Variants in MOXD1 observed in about 807,000 individuals in gnomAD.
MOXD1 encodes the protein DBH-like monooxygenase protein 1.
A neutral mutation model predicts 66.6 loss-of-function variants in MOXD1; 62 were observed. The ratio of observed to expected loss-of-function variants is 0.93; its 90% CI spans 0.76 to 1.15. MOXD1 has a LOEUF of 1.15. Ranked by LOEUF, MOXD1 falls within the 50% of genes most tolerant of loss-of-function variation. The probability of loss-of-function intolerance (pLI) is 0.00; values close to 1 mark genes in which losing one functional copy is unlikely to be tolerated. For missense variants in MOXD1, 847 were observed against 754.6 expected (o/e 1.12, Z -1.44); for synonymous variants, 303 against 281.9 (o/e 1.07, Z -0.75).
At chr6:132,384,948 G>T (rs1297136361) in intron 1 of MOXD1, among the ~76,000 whole-genome samples, 1 of 152,224 alleles carries the variant, frequency 6.6e-6, no homozygotes, top group Non-Finnish European at 1.5e-5. Flanking sequence ...AGGAATGGTA[G>T]TTGGAAGACA....
At chr6:132,322,286 C>A (rs1179072094) in intron 8 of MOXD1, among the ~76,000 whole-genome samples, 1 of 152,152 alleles carries the variant, frequency 6.6e-6, no homozygotes, top group African/African-American at 2.4e-5. Flanking sequence ...TAAAATGAAA[C>A]TTCTAAAAAT....
rs1775239017 is a variant in MOXD1 at position 132,328,491 on chromosome 6, T to G, written c.767A>C (p.Glu256Ala). 6.2e-7 allele frequency: 1 copy of G among 1,614,150 alleles called. No homozygotes were observed. The highest frequency in any genetic ancestry group is 8.5e-7 in the Non-Finnish European group (1 of 1,180,012). Residue 256 changes from glutamate (E) to alanine (A), a missense_variant, in exon 5 of 12, where the codon GAG (glutamate) becomes GCG (alanine). Coordinates refer to ENST00000367963, the MANE Select transcript of MOXD1 (RefSeq NM_015529.4). The part of the protein sequence containing the change: ...FNDSVLESGH[E>A]CYHPNMPDAF... Reference sequence around the variant, plus strand: ...ATCGGGCATGTTGGGGTGATAGCACTCGTGGCCGGACTCCAGAACGCTGTC... The same window carrying G: ...ATCGGGCATGTTGGGGTGATAGCACGCGTGGCCGGACTCCAGAACGCTGTC...
intron 4 of MOXD1, among the ~76,000 whole-genome samples, chr6:132,358,897 T>C (rs1775957919): frequency 6.6e-6 from 1 of 152,182 alleles, no homozygotes; most frequent in South Asian, 2.1e-4. Context: ...TTTAGGCCCA[T>C]GCTTCAGTAA....
At chr6:132,371,248 G>T (rs1291310094) in intron 4 of MOXD1, among the ~76,000 whole-genome samples, 1 of 152,014 alleles carries the variant, frequency 6.6e-6, no homozygotes, top group African/African-American at 2.4e-5. Flanking sequence ...GGAAGGACTT[G>T]GGCATGGTAT....
At chr6:132,340,104 CA>C (rs1775520278) in intron 4 of MOXD1, among the ~76,000 whole-genome samples, 1 of 152,030 alleles carries the variant, frequency 6.6e-6, no homozygotes, top group Non-Finnish European at 1.5e-5. Context: ...TGGCTGGTCT[CA>C]AACTCCTGAC....
intron 4 of MOXD1, among the ~76,000 whole-genome samples, chr6:132,339,644 T>G (rs1354229594): frequency 1.3e-5 from 2 of 152,228 alleles, no homozygotes; most frequent in Non-Finnish European, 2.9e-5. Flanking sequence ...CTAAGCCCAC[T>G]TATGTAATCC....
intron 1 of MOXD1, among the ~76,000 whole-genome samples, chr6:132,375,966 G>A (rs1413141231): frequency 2.0e-5 from 3 of 152,044 alleles, no homozygotes; most frequent in African/African-American, 7.3e-5. Flanking sequence ...CATGGTTAGC[G>A]CCCATTCGAT....
At chr6:132,366,096 C>A (rs544668475) in intron 4 of MOXD1, among the ~76,000 whole-genome samples, 53 of 152,172 alleles carry the variant, frequency 3.5e-4, no homozygotes, top group African/African-American at 1.3e-3. Flanking sequence ...CCCAGAGGTG[C>A]AGGGGTAATC....
chr6:132,382,321 G>T (rs1776528693), intron 1 of MOXD1, among the ~76,000 whole-genome samples: 1 of 152,010 alleles, frequency 6.6e-6, no homozygotes, highest in African/African-American at 2.4e-5. Flanking sequence ...TATAAAAGCT[G>T]ATATACAGAA....
chr6:132,392,348 A>G (rs1776784014), intron 1 of MOXD1: 2 of 1,550,990 alleles, frequency 1.3e-6, no homozygotes, highest in African/African-American at 1.4e-5. Flanking sequence ...CCAGCGATTT[A>G]TACCCCCATA....
chr6:132,304,420 T>C lies in MOXD1; in HGVS notation c.1509-6465A>G, dbSNP rs1012489135. On this transcript the variant is annotated intron_variant, in intron 10 of 11. Coordinates refer to ENST00000367963, the MANE Select transcript of MOXD1 (RefSeq NM_015529.4). ...CCCCAAGCCAACTAAGAGACTCCCCTGGAAACAGAGAGTCCTTCAATGCTT... is the reference window on the plus strand; with the variant it reads ...CCCCAAGCCAACTAAGAGACTCCCCCGGAAACAGAGAGTCCTTCAATGCTT... 2.0e-5 allele frequency among the ~76,000 whole-genome samples: 3 copies of C among 152,156 alleles called. No individual in the cohort carries two copies. The East Asian group carries it at 5.8e-4, about 29-fold the overall frequency.
At chr6:132,326,498 T>G (rs1248816516) in intron 6 of MOXD1, among the ~76,000 whole-genome samples, 1 of 151,986 alleles carries the variant, frequency 6.6e-6, no homozygotes, top group African/African-American at 2.4e-5. Flanking sequence ...TATAGAATAT[T>G]TATTCTATTA....
intron 6 of MOXD1, among the ~76,000 whole-genome samples, chr6:132,324,308 GCCAT>G (rs1775142789): frequency 6.6e-6 from 1 of 152,080 alleles, no homozygotes; most frequent in Non-Finnish European, 1.5e-5. Context: ...AAGATGAGTA[GCCAT>G]ATTGCCTGCA....
Position 132,297,282 on chromosome 6 carries a change from T to G in MOXD1, c.1713A>C (p.Glu571Asp). Reference protein sequence around the residue: ...QGMTALPPDIERPYKAEPLVC... With the variant: ...QGMTALPPDIDRPYKAEPLVC... ...CCAAAGGTTCTGCTTTATAGGGTCT[T>G]TCTATATCTGGAGGTAATGCTGTCA... Residue 571 changes from glutamate (E) to aspartate (D), a missense_variant, in exon 12 of 12, where the codon GAA becomes GAC. Transcript: ENST00000367963. The G allele has an allele frequency of 1.9e-6, 3 of 1,613,324 alleles. No individual in the cohort carries two copies. The highest frequency in any genetic ancestry group is 2.5e-6 in the Non-Finnish European group (3 of 1,179,538).
chr6:132,394,463 T>A (rs1302690937), intron 1 of MOXD1, among the ~76,000 whole-genome samples: 1 of 151,900 alleles, frequency 6.6e-6, no homozygotes, highest in African/African-American at 2.4e-5. Context: ...CAGATTCTCA[T>A]CAAAAAGAAA....
At chr6:132,394,484 AC>A (rs1348671191) in intron 1 of MOXD1, among the ~76,000 whole-genome samples, 13 of 152,130 alleles carry the variant, frequency 8.5e-5, no homozygotes, top group Admixed American at 7.9e-4. Flanking sequence ...TTTAAGAAAT[AC>A]CCCCCAAAAA....
chr6:132,334,878 T>A (rs1051837306), intron 4 of MOXD1, among the ~76,000 whole-genome samples: 1 of 152,234 alleles, frequency 6.6e-6, no homozygotes, highest in African/African-American at 2.4e-5. Flanking sequence ...TCAAAGAATC[T>A]ACACTTGGTG....
chr6:132,303,954 T>C (rs1774630872), intron 10 of MOXD1, among the ~76,000 whole-genome samples: 1 of 148,518 alleles, frequency 6.7e-6, no homozygotes, highest in South Asian at 2.2e-4. Flanking sequence ...TTTTTGCTTG[T>C]AGTTCTCAAG....
chr6:132,324,193 T>C, intron 6 of MOXD1, 96 bp from the exon 7 acceptor site: 2 of 1,266,890 alleles, frequency 1.6e-6, no homozygotes, highest in Non-Finnish European at 2.2e-6. Flanking sequence ...AGTTTTCATA[T>C]TCTGTTGAAA....
Sources: gnomAD v4.1 joint callset for allele counts (sites outside exome capture counted in the v4.1 genomes callset) on GRCh38, gnomAD v4.1.1 for gene constraint, MANE v1.5 for transcripts, NCBI Gene and HGNC (gene_info 2026-07-23, HGNC 2026-07-21) for gene names.